The following DSPP variants were observed in gnomAD, a reference collection of about 807,000 sequenced individuals.
DSPP encodes dentin sialophosphoprotein.
A neutral mutation model predicts 29.1 loss-of-function variants in DSPP; 28 were observed. That is an observed-to-expected ratio of 0.96 (90% CI 0.71 to 1.32). DSPP has a LOEUF of 1.32. Among genes scored for constraint, DSPP ranks in the 40% most tolerant of loss-of-function variants. The pLI is 0.00. For synonymous variants in DSPP, 481 were observed against 503.4 expected, an observed-to-expected ratio of 0.96 and a Z score of 0.60; for missense variants, 1,281 against 1,629.9, an observed-to-expected ratio of 0.79 and a Z score of 3.69.
At position 87,616,400 on chromosome 4, in the gene DSPP, C is replaced by T. The variant is rs1390009147; in HGVS notation, c.3738C>T (p.Ser1246=). 1.4e-5 allele frequency: 21 copies of T among 1,500,122 alleles called. No homozygotes were observed. The allele number at this position is 1,500,122 out of a possible 1,614,324, so 92.9% of individuals were successfully genotyped here. The change falls in exon 5 of 5, where the codon AGC becomes AGT. Residue 1246 remains serine, a synonymous_variant. Coordinates refer to ENST00000651931, the MANE Select transcript of DSPP (RefSeq NM_014208.3). ...DSSDSSDSSD[S]SNSSDSSDSS... ...GTGACAGCAGCGATAGCAGTGACAG[C>T]AGCAACAGCAGTGACAGCAGCGACA...
rs763290840 is a variant in DSPP at position 87,610,968 on chromosome 4, G to A, written c.51+9G>A. Reference sequence around the variant, plus strand: ...TAGCATGGGCCATTCCAGTAAGTATGCCTTTCTTAGAAAACCTCTTCACTT... The same window carrying A: ...TAGCATGGGCCATTCCAGTAAGTATACCTTTCTTAGAAAACCTCTTCACTT... On this transcript the variant is annotated intron_variant, in intron 2 of 4. Transcript: ENST00000651931. 1.2e-6 allele frequency: 2 copies of A among 1,612,190 alleles called. No homozygotes were observed. The highest frequency in any genetic ancestry group is 2.2e-5 in the South Asian group (2 of 91,008).
At chr4:87,612,215 A>G in intron 3 of DSPP, 27 bp downstream of exon 3, 2 of 1,612,982 alleles carry the variant, frequency 1.2e-6, no homozygotes, top group Non-Finnish European at 1.7e-6. Context: ...ATTTCATTTT[A>G]TTTCCTATTT....
Position 87,616,057 on chromosome 4 carries a change from G to A in DSPP, c.3395G>A (p.Ser1132Asn), listed in dbSNP as rs752613070. The change falls in exon 5 of 5, where the codon AGC becomes AAC. Residue 1132 changes from serine (S) to asparagine (N), a missense_variant. Coordinates refer to ENST00000651931, the MANE Select transcript of DSPP (RefSeq NM_014208.3). ...AGTGACAGCAGTGACAGCAGCGACAGCAGTGATAGCAGTGACAGCAGCAAC... is the reference window on the plus strand; with the variant it reads ...AGTGACAGCAGTGACAGCAGCGACAACAGTGATAGCAGTGACAGCAGCAAC... ...NSSDSSDSSDSSDSSDSSNSS... is the reference protein window; with the variant it reads ...NSSDSSDSSDNSDSSDSSNSS... The A allele has an allele frequency of 2.3e-6, 3 of 1,299,052 alleles. 1 individual carries two copies. In the South Asian group the frequency reaches 4.3e-5, roughly 19 times the overall value. The allele number at this position is 1,299,052 out of a possible 1,614,324, so 80.5% of individuals were successfully genotyped here. A position where few individuals can be genotyped will look rare whatever the true frequency, so the allele number is the denominator to read the frequency against.
chr4:87,615,860 C>G lies in DSPP; in HGVS notation c.3198C>G (p.Ser1066Arg). The G allele has an allele frequency of 6.5e-7, 1 of 1,546,648 alleles. No homozygotes were observed. Among genetic ancestry groups the G allele is most frequent in the Non-Finnish European group, 8.7e-7 (1 of 1,144,872 alleles). ...GTGACAGCAGTGACAGCAGCGACAG[C>G]AGTGATAGCAGTGACAGCAGTGACA... ...NSSDSSDSSD[S>R]SDSSDSSDSS... Residue 1066 changes from serine to arginine, a missense_variant, in exon 5 of 5, where the codon AGC becomes AGG. This residue lies in a region of DSPP where 72 missense variants were observed against 190.3 expected (regional missense o/e 0.38). Transcript: ENST00000651931.
chr4:87,616,208 T>G lies in DSPP; in HGVS notation c.3546T>G (p.Asp1182Glu), dbSNP rs368803249. 19 of 1,405,424 alleles carry G rather than the reference T, an allele frequency of 1.4e-5. 1 individual carries two copies. Among genetic ancestry groups the G allele is most frequent in the Middle Eastern group, 1.9e-4 (1 of 5,304 alleles). The allele number at this position is 1,405,424 out of a possible 1,614,324, so 87.1% of individuals were successfully genotyped here. The change falls in exon 5 of 5, where the codon GAT (aspartate) becomes GAG (glutamate). Residue 1182 changes from aspartate to glutamate, a missense_variant. This residue lies in a region of DSPP where 134 missense variants were observed against 185.0 expected (regional missense o/e 0.72). Transcript: ENST00000651931. ...SDSSDSSNSS[D>E]SSDSSDSSDS... Reference sequence around the variant, plus strand: ...GCAGTGACAGCAGCAATAGCAGTGATAGCAGCGACAGCAGTGATAGCAGTG... The same window carrying G: ...GCAGTGACAGCAGCAATAGCAGTGAGAGCAGCGACAGCAGTGATAGCAGTG...
rs769866436 is a variant in DSPP, at chr4:87,612,450, A to T, written c.264A>T (p.Val88=). The change falls in exon 4 of 5, where the codon GTA becomes GTT. Residue 88 remains valine (V), a synonymous_variant. Transcript: ENST00000651931. ...GGAATGGCTCTAAGTGGGCAGAAGT[A>T]GGAGGGAAGAGTTTTTCTACATATT... ...GEGNGSKWAE[V]GGKSFSTYST... 77 of 1,613,854 alleles carry T rather than the reference A, an allele frequency of 4.8e-5. 1 individual carries two copies. The highest frequency in any genetic ancestry group is 5.9e-6 in the Non-Finnish European group (7 of 1,179,914).
Position 87,614,399 on chromosome 4 carries a change from TAGTGACAGCAGTGAC to T in DSPP, c.1752_1766del (p.Asp586_Ser590del), listed in dbSNP as rs763309000. 13 of 1,568,484 alleles carry T rather than the reference TAGTGACAGCAGTGAC, an allele frequency of 8.3e-6. No individual in the cohort carries two copies. In the African/African-American group the frequency reaches 9.6e-5, roughly 12 times the overall value. On this transcript the variant is annotated inframe_deletion, in exon 5 of 5. Coordinates refer to ENST00000651931, the MANE Select transcript of DSPP (RefSeq NM_014208.3). ...GCAGTGATAGCAACAGTAGCAGTGA[TAGTGACAGCAGTGAC>T]AGTGACAGCAGTGATAGCAGTGACA...
chr4:87,615,716 T>A lies in DSPP; in HGVS notation c.3054T>A (p.Ser1018Arg), dbSNP rs559965652. The A allele has an allele frequency of 6.8e-7, 1 of 1,479,320 alleles. No homozygotes were observed. The highest frequency in any genetic ancestry group is 1.6e-5 in the African/African-American group (1 of 61,776). 91.6% of individuals were successfully genotyped at this position (1,479,320 alleles called of 1,614,324 possible). Residue 1018 changes from serine (S) to arginine (R), a missense_variant, in exon 5 of 5, where the codon AGT becomes AGA. Coordinates refer to ENST00000651931, the MANE Select transcript of DSPP (RefSeq NM_014208.3). ...GTGACAGCAGTGATAGCAGTAATAG[T>A]AGTGACAGCAGCAATAGCAGTGACA... ...DSSDSSDSSN[S>R]SDSSNSSDSS...
intron 1 of DSPP, among the ~76,000 whole-genome samples, chr4:87,610,147 C>G (rs1270090809): frequency 1.3e-5 from 2 of 152,098 alleles, no homozygotes; most frequent in Non-Finnish European, 2.9e-5. Context: ...ACATAAGTAA[C>G]TAGGCAATTT....
intron 2 of DSPP, 124 bp downstream of exon 2, chr4:87,611,083 A>ATG (rs376497891): frequency 7.4e-6 from 7 of 944,106 alleles, no homozygotes; most frequent in South Asian, 4.0e-5. Flanking sequence ...GTGTGTATAT[A>ATG]TGTGTGTGTG....
rs1491292723 is a variant in DSPP at position 87,611,062 on chromosome 4, T to TGTGTGTGC, written c.51+104_51+105insTGTGTGCG. 5 of 1,079,328 alleles carry TGTGTGTGC rather than the reference T, an allele frequency of 4.6e-6. No homozygotes were observed. The African/African-American group carries it at 4.7e-5, about 10-fold the overall frequency. The allele number at this position is 1,079,328 out of a possible 1,614,324, so 66.9% of individuals were successfully genotyped here. On this transcript the variant is annotated intron_variant, in intron 2 of 4. Transcript: ENST00000651931. Reference sequence around the variant, plus strand: ...GTGTGTGTGTGTGTGTGTGTGTGTGTGCATGTACATGTGTGTATATATGTG... The same window carrying TGTGTGTGC: ...GTGTGTGTGTGTGTGTGTGTGTGTGTGTGTGTGCGCATGTACATGTGTGTATATATGTG...
chr4:87,612,009 ATTTGTGTG>A (rs1278424898), intron 2 of DSPP, 88 bp from the exon 3 acceptor site: 1 of 1,149,864 alleles, frequency 8.7e-7, no homozygotes, highest in Non-Finnish European at 1.3e-6. Context: ...AGGGAAGAAT[ATTTGTGTG>A]TGTGTGTGTG....
intron 2 of DSPP, 80 bp from the exon 3 acceptor site, chr4:87,612,025 G>A: frequency 4.8e-6 from 6 of 1,246,944 alleles, no homozygotes; most frequent in Non-Finnish European, 5.8e-6. Flanking sequence ...GTGTGTGTGT[G>A]TGTGTGTGTG....
Position 87,615,911 on chromosome 4 carries a change from A to C in DSPP, c.3249A>C (p.Glu1083Asp), listed in dbSNP as rs142295724. The C allele has an allele frequency of 0.24, 111,192 of 471,862 alleles. 23,217 individuals carry two copies. Among genetic ancestry groups the C allele is most frequent in the East Asian group, 0.44 (8,384 of 18,868 alleles). 29.2% of individuals were successfully genotyped at this position (471,862 alleles called of 1,614,324 possible). ...GCAGCGACAGCAGTGATAGCAGTGA[A>C]AGCAGTGATAGCAGTGACAGCAGCA... ...SDSSDSSDSS[E>D]SSDSSDSSNS... The change falls in exon 5 of 5, where the codon GAA becomes GAC. Residue 1083 changes from glutamate to aspartate, a missense_variant. Transcript: ENST00000651931.
rs771383345 is a variant in DSPP, at chr4:87,610,943, T to C, written c.35T>C (p.Val12Ala). 1.2e-6 allele frequency: 2 copies of C among 1,613,560 alleles called. No homozygotes were observed. The highest frequency in any genetic ancestry group is 2.7e-5 in the African/African-American group (2 of 74,884). The change falls in exon 2 of 5, where the codon GTA becomes GCA. Residue 12 changes from valine to alanine, a missense_variant. By Grantham distance (64) the Val-to-Ala change is moderately conservative. Coordinates refer to ENST00000651931, the MANE Select transcript of DSPP (RefSeq NM_014208.3). ...ATTACATATTTTTGCATTTGGGCAGTAGCATGGGCCATTCCAGTAAGTATG... is the reference window on the plus strand; with the variant it reads ...ATTACATATTTTTGCATTTGGGCAGCAGCATGGGCCATTCCAGTAAGTATG... ...KIITYFCIWA[V>A]AWAIPVPQSK...
chr4:87,611,750 GT>G (rs1176303585), intron 2 of DSPP, among the ~76,000 whole-genome samples: 2 of 152,198 alleles, frequency 1.3e-5, no homozygotes, highest in African/African-American at 2.4e-5. Context: ...GAGCGGGTTT[GT>G]GCTAGTGCAA....
At chr4:87,609,478 A>G (rs1334092750) in intron 1 of DSPP, among the ~76,000 whole-genome samples, 1 of 152,186 alleles carries the variant, frequency 6.6e-6, no homozygotes, top group Non-Finnish European at 1.5e-5. Flanking sequence ...TGTGCCCCAG[A>G]GCTCTGCATG....
At position 87,616,224 on chromosome 4, in the gene DSPP, G is replaced by A. The variant is rs1727935646; in HGVS notation, c.3562G>A (p.Asp1188Asn). The A allele has an allele frequency of 1.3e-6, 2 of 1,539,788 alleles. No homozygotes were observed. The highest frequency in any genetic ancestry group is 1.8e-6 in the Non-Finnish European group (2 of 1,140,914). ...SNSSDSSDSS[D>N]SSDSSDSSDS... Reference sequence around the variant, plus strand: ...TAGCAGTGATAGCAGCGACAGCAGTGATAGCAGTGACAGCAGCGACAGCAG... The same window carrying A: ...TAGCAGTGATAGCAGCGACAGCAGTAATAGCAGTGACAGCAGCGACAGCAG... The change falls in exon 5 of 5, where the codon GAT becomes AAT. Residue 1188 changes from aspartate (D) to asparagine (N), a missense_variant. By Grantham distance (23) the Asp-to-Asn change is conservative. Coordinates refer to ENST00000651931, the MANE Select transcript of DSPP (RefSeq NM_014208.3).
chr4:87,616,118 C>T lies in DSPP; in HGVS notation c.3456C>T (p.Asp1152=), dbSNP rs762937517. The T allele has an allele frequency of 1.6e-3, 2,332 of 1,472,350 alleles. 394 individuals carry two copies. Among genetic ancestry groups the T allele is most frequent in the Admixed American group, 3.5e-3 (167 of 47,178 alleles). The allele number at this position is 1,472,350 out of a possible 1,614,324, so 91.2% of individuals were successfully genotyped here. The change falls in exon 5 of 5, where the codon GAC becomes GAT. Residue 1152 remains aspartate, a synonymous_variant. Transcript: ENST00000651931. The part of the protein sequence containing the change: ...SDSSDSSESS[D]SSDSSDSSDS... ...GCAGTGACAGCAGTGAAAGCAGCGA[C>T]AGCAGTGACAGCAGCGACAGCAGTG...
Sources: gnomAD v4.1 joint callset for allele counts (sites outside exome capture counted in the v4.1 genomes callset) on GRCh38, gnomAD v4.1.1 for gene constraint, gnomAD v4.1.1 regional missense constraint, MANE v1.5 for transcripts, NCBI Gene and HGNC (gene_info 2026-07-23, HGNC 2026-07-21) for gene names.